The following BLVRB variants were observed in gnomAD, a reference collection of about 807,000 sequenced individuals.
BLVRB encodes the protein biliverdin reductase B.
A neutral mutation model predicts 21.1 loss-of-function variants in BLVRB; 25 were observed. The ratio of observed to expected loss-of-function variants is 1.19; its 90% CI spans 0.86 to 1.66. The LOEUF (loss-of-function observed/expected upper bound fraction) is 1.66. Among genes scored for constraint, BLVRB ranks in the 40% most tolerant of loss-of-function variants. BLVRB has a pLI of 0.00. For missense variants in BLVRB, 274 were observed against 282.7 expected (o/e 0.97, Z 0.22); for synonymous variants, 128 against 122.2 (o/e 1.05, Z -0.31).
intron 4 of BLVRB, among the ~76,000 whole-genome samples, chr19:40,448,768 G>A (rs958801130): frequency 2.6e-4 from 40 of 151,592 alleles, no homozygotes; most frequent in Non-Finnish European, 4.1e-4. Flanking sequence ...ACCCTTGGCT[G>A]TGTGTTTGCT....
Position 40,448,622 on chromosome 19 carries a change from T to C in BLVRB, c.464-576A>G, listed in dbSNP as rs1430986189. Among the ~76,000 whole-genome samples, 554 of 68,246 alleles carry C rather than the reference T, an allele frequency of 8.1e-3. 3 individuals carry two copies. The highest frequency in any genetic ancestry group is 0.032 in the African/African-American group (520 of 16,158). The allele number at this position is 68,246 out of a possible 152,430, so 44.8% of individuals were successfully genotyped here. A position where few individuals can be genotyped will look rare whatever the true frequency, so the allele number is the denominator to read the frequency against. ...CAACAACAACAAATATATATATATA[T>C]ATATATATATATATATATATATTTG... On this transcript the variant is annotated intron_variant, in intron 4 of 4. Transcript: ENST00000263368.
intron 4 of BLVRB, among the ~76,000 whole-genome samples, chr19:40,449,312 C>A (rs2079728692): frequency 1.3e-5 from 2 of 151,586 alleles, no homozygotes; most frequent in South Asian, 4.2e-4. Flanking sequence ...GTGGTGCAAT[C>A]TTGGCTCACT....
rs368781792 is a variant in BLVRB at position 40,452,090 on chromosome 19, C to T, written c.335-598G>A. The stretch of plus-strand genomic sequence containing the variant: ...CCTCCTTCCCTCCTCCCAAGGAGCC[C>T]GTGAACACCCCTATCAGTTCACATC... On this transcript the variant is annotated intron_variant, in intron 3 of 4. Transcript: ENST00000263368. Among the ~76,000 whole-genome samples the T allele has an allele frequency of 3.9e-4, 59 of 152,208 alleles. 1 individual carries two copies. Among genetic ancestry groups the T allele is most frequent in the African/African-American group, 1.3e-3 (55 of 41,528 alleles).
chr19:40,465,256 C>T (rs1169427782), intron 1 of BLVRB, among the ~76,000 whole-genome samples: 1 of 152,174 alleles, frequency 6.6e-6, no homozygotes, highest in Admixed American at 6.6e-5. Context: ...TGTGAAGAGA[C>T]GACAGAGCAA....
At chr19:40,462,520 C>T (rs1475368449) in intron 1 of BLVRB, among the ~76,000 whole-genome samples, 2 of 150,636 alleles carry the variant, frequency 1.3e-5, no homozygotes, top group African/African-American at 4.9e-5. Context: ...CCTTGTGATC[C>T]GCCCACCTTG....
Position 40,447,850 on chromosome 19 carries a change from A to G in BLVRB, c.*39T>C. The G allele has an allele frequency of 6.3e-7, 1 of 1,593,376 alleles. No individual in the cohort carries two copies. Among genetic ancestry groups the G allele is most frequent in the Non-Finnish European group, 8.6e-7 (1 of 1,163,684 alleles). On this transcript the variant is annotated 3_prime_UTR_variant, in exon 5 of 5. Transcript: ENST00000263368. ...TTATTGCCCCCTTCCTTTGCTCCTC[A>G]TGTCCCAGAATGCCACCCTCCCAGA...
At position 40,456,767 on chromosome 19, in the gene BLVRB, A is replaced by G. The variant is rs145424870; in HGVS notation, c.334+1388T>C. 3.1e-3 allele frequency among the ~76,000 whole-genome samples: 464 copies of G among 152,074 alleles called. 2 individuals are homozygous for G. Among genetic ancestry groups the G allele is most frequent in the African/African-American group, 0.011 (437 of 41,498 alleles). ...CAGGGCATGGTGGCAGGCGCCGGTA[A>G]TCCCAGCTACTCAGGAGGCTGGGGC... On this transcript the variant is annotated intron_variant, in intron 3 of 4. Transcript: ENST00000263368.
At chr19:40,456,877 C>T (rs925790909) in intron 3 of BLVRB, among the ~76,000 whole-genome samples, 1 of 150,588 alleles carries the variant, frequency 6.6e-6, no homozygotes. Flanking sequence ...GCTGATACCA[C>T]GCCACTGCAC....
chr19:40,463,767 G>C (rs1464725092), intron 1 of BLVRB, among the ~76,000 whole-genome samples: 1 of 142,634 alleles, frequency 7.0e-6, no homozygotes, highest in African/African-American at 2.7e-5. Flanking sequence ...ACTGTGCCCA[G>C]CTAATTTTTT....
intron 1 of BLVRB, among the ~76,000 whole-genome samples, chr19:40,460,458 T>C (rs1378831455): frequency 3.4e-5 from 5 of 148,480 alleles, no homozygotes; most frequent in African/African-American, 1.2e-4. Context: ...TGAAACCCCG[T>C]CTCTGCAAAA....
chr19:40,460,142 CACACACACAT>C (rs1310031470), intron 1 of BLVRB, among the ~76,000 whole-genome samples: 1 of 151,784 alleles, frequency 6.6e-6, no homozygotes, highest in African/African-American at 2.4e-5. Context: ...CTCTTCAACA[CACACACACAT>C]ACACACACAT....
chr19:40,459,111 C>G (rs1158319029), intron 1 of BLVRB, among the ~76,000 whole-genome samples: 1 of 150,990 alleles, frequency 6.6e-6, no homozygotes, highest in Non-Finnish European at 1.5e-5. Flanking sequence ...GGGCAGATCA[C>G]CTGAGGTCAG....
In BLVRB at chr19:40,447,840, TTTGC is replaced by T; in HGVS notation, c.*45_*48del. 1 of 1,586,200 alleles carries T rather than the reference TTTGC, an allele frequency of 6.3e-7. No homozygotes were observed. On this transcript the variant is annotated 3_prime_UTR_variant, in exon 5 of 5. Coordinates refer to ENST00000263368, the MANE Select transcript of BLVRB (RefSeq NM_000713.3). ...GGCTCAACATTTATTGCCCCCTTCC[TTTGC>T]TCCTCATGTCCCAGAATGCCACCCT...
chr19:40,455,625 G>T (rs1432810145), intron 3 of BLVRB, among the ~76,000 whole-genome samples: 1 of 152,192 alleles, frequency 6.6e-6, no homozygotes, highest in Non-Finnish European at 1.5e-5. Context: ...TTGAACCCAG[G>T]AGGTGGATGT....
rs751696189 is a variant in BLVRB, at chr19:40,459,327, C to CAAAAAAAAAAAAAAAAAAAA, written c.80-802_80-783dup. Among the ~76,000 whole-genome samples, 3 of 34,398 alleles carry CAAAAAAAAAAAAAAAAAAAA rather than the reference C, an allele frequency of 8.7e-5. 1 individual carries two copies. Among genetic ancestry groups the CAAAAAAAAAAAAAAAAAAAA allele is most frequent in the African/African-American group, 1.1e-4 (1 of 9,304 alleles). 22.6% of individuals were successfully genotyped at this position (34,398 alleles called of 152,430 possible). On this transcript the variant is annotated intron_variant, in intron 1 of 4. Coordinates refer to ENST00000263368, the MANE Select transcript of BLVRB (RefSeq NM_000713.3). ...TGGATGACAAAGCGAGACTCTATCT[C>CAAAAAAAAAAAAAAAAAAAA]AAAAAAAAAAAAAAAAAAAAAAAAA...
intron 1 of BLVRB, among the ~76,000 whole-genome samples, chr19:40,464,318 T>C (rs992398632): frequency 1.3e-5 from 2 of 151,960 alleles, no homozygotes; most frequent in Admixed American, 1.3e-4. Context: ...AGTCTCAAAC[T>C]CCTGGCCTCA....
intron 1 of BLVRB, among the ~76,000 whole-genome samples, chr19:40,458,940 G>A (rs1021550056): frequency 1.1e-4 from 17 of 151,856 alleles, no homozygotes; most frequent in Admixed American, 1.1e-3. Flanking sequence ...TGATCTGCCT[G>A]CCTCAGCCTC....
At chr19:40,460,184 ATTTC>A (rs1185322631) in intron 1 of BLVRB, among the ~76,000 whole-genome samples, 2 of 150,182 alleles carry the variant, frequency 1.3e-5, no homozygotes, top group Non-Finnish European at 3.0e-5. Context: ...CAACTAACAT[ATTTC>A]TTCCTTTGTT....
intron 2 of BLVRB, 46 bp downstream of exon 2, chr19:40,458,335 G>T (rs749951740): frequency 1.6e-5 from 24 of 1,521,338 alleles, no homozygotes; most frequent in Admixed American, 2.0e-5. Context: ...TGGCGCTGGG[G>T]GCCGAGGTGT....
Sources: gnomAD v4.1 joint callset for allele counts (sites outside exome capture counted in the v4.1 genomes callset) on GRCh38, gnomAD v4.1.1 for gene constraint, MANE v1.5 for transcripts, NCBI Gene and HGNC (gene_info 2026-07-23, HGNC 2026-07-21) for gene names.